The following AKR1B15 variants were observed in gnomAD, a reference collection of about 807,000 sequenced individuals.
AKR1B15 encodes estradiol 17-beta-dehydrogenase AKR1B15.
A neutral mutation model predicts 38.5 loss-of-function variants in AKR1B15; 49 were observed. The ratio of observed to expected loss-of-function variants is 1.27; its 90% CI spans 1.01 to 1.62. AKR1B15 has a LOEUF of 1.62. Ranked by LOEUF, AKR1B15 falls within the 40% of genes most tolerant of loss-of-function variation. The pLI, the probability that AKR1B15 is intolerant of heterozygous loss-of-function variation, is 0.00. For missense variants in AKR1B15, 411 were observed against 381.6 expected (o/e 1.08, Z -0.64); for synonymous variants, 137 against 135.5 (o/e 1.01, Z -0.08).
chr7:134,568,728 G>A (rs928185651), intron 4 of AKR1B15, among the ~76,000 whole-genome samples: 1 of 152,124 alleles, frequency 6.6e-6, no homozygotes, highest in Non-Finnish European at 1.5e-5. Flanking sequence ...AACAGTAGGA[G>A]CACTTTTCTA....
chr7:134,567,889 T>C (rs915587406), intron 3 of AKR1B15, among the ~76,000 whole-genome samples: 13 of 152,204 alleles, frequency 8.5e-5, no homozygotes, highest in African/African-American at 3.1e-4. Flanking sequence ...TTTGAAAACT[T>C]TTCTAAACTG....
chr7:134,568,234 T>C lies in AKR1B15; in HGVS notation c.227T>C (p.Phe76Ser). Reference protein sequence around the residue: ...AEYRHIDCAYFYENQHEVGEA... With the variant: ...AEYRHIDCAYSYENQHEVGEA... Reference sequence around the variant, plus strand: ...TATCGCCACATTGACTGTGCCTATTTCTATGAGAATCAACATGAGGTGGGA... The same window carrying C: ...TATCGCCACATTGACTGTGCCTATTCCTATGAGAATCAACATGAGGTGGGA... The change falls in exon 4 of 12, where the codon TTC becomes TCC. Residue 76 changes from phenylalanine to serine, a missense_variant. Around this residue, in one of 3 missense-constraint regions of AKR1B15, gnomAD observed 254 missense variants for 212.4 expected, o/e 1.20. Transcript: ENST00000457545. The C allele has an allele frequency of 6.2e-7, 1 of 1,614,120 alleles. No homozygotes were observed. The highest frequency in any genetic ancestry group is 8.5e-7 in the Non-Finnish European group (1 of 1,179,998).
At chr7:134,565,144 GA>G in intron 3 of AKR1B15, 1 of 339,070 alleles carries the variant, frequency 2.9e-6, no homozygotes, top group Non-Finnish European at 5.5e-6. Context: ...CCACACCGTG[GA>G]AACTTTGTTC....
chr7:134,577,639 C>G (rs1196998992), intron 10 of AKR1B15, 65 bp from the exon 11 acceptor site: 2 of 1,551,884 alleles, frequency 1.3e-6, no homozygotes, highest in Admixed American at 3.7e-5. Flanking sequence ...CTAGAATGGC[C>G]GGCAGTCTCC....
intron 3 of AKR1B15, 35 bp from the exon 4 acceptor site, chr7:134,568,123 A>G (rs766358207): frequency 1.2e-6 from 2 of 1,612,306 alleles, no homozygotes; most frequent in South Asian, 2.2e-5. Flanking sequence ...TAAAAAAAAA[A>G]TACATGTGTG....
rs1794841407 is a variant in AKR1B15 at position 134,579,637 on chromosome 7, C to G, written c.*88C>G. 4 of 1,227,034 alleles carry G rather than the reference C, an allele frequency of 3.3e-6. No individual in the cohort carries two copies. The highest frequency in any genetic ancestry group is 4.5e-6 in the Non-Finnish European group (4 of 884,182). 76.0% of individuals were successfully genotyped at this position (1,227,034 alleles called of 1,614,324 possible). A position where few individuals can be genotyped will look rare whatever the true frequency, so the allele number is the denominator to read the frequency against. ...CCACTCAAGAACTATTTTAGCCAAG[C>G]TTATCTGAGATCACAGTGAACTTTG... On this transcript the variant is annotated 3_prime_UTR_variant, in exon 12 of 12. Transcript: ENST00000457545.
intron 2 of AKR1B15, among the ~76,000 whole-genome samples, chr7:134,557,080 G>A (rs1362613247): frequency 6.6e-6 from 1 of 152,154 alleles, no homozygotes; most frequent in Non-Finnish European, 1.5e-5. Context: ...AATCTAGATA[G>A]ATGCCAGAAG....
chr7:134,569,409 G>T lies in AKR1B15; in HGVS notation c.319-4G>T, dbSNP rs1248540131. On this transcript the variant is annotated splice_region_variant and splice_polypyrimidine_tract_variant and intron_variant, in intron 4 of 11. Coordinates refer to ENST00000457545, the MANE Select transcript of AKR1B15 (RefSeq NM_001080538.3). ...TTACTAGCTCATTGCTACACTCTTT[G>T]CAGGTGTGGCCCACTTTCTTTGAGA... 6.2e-7 allele frequency: 1 copy of T among 1,613,840 alleles called. No individual in the cohort carries two copies. The highest frequency in any genetic ancestry group is 1.3e-5 in the African/African-American group (1 of 74,922).
At chr7:134,571,192 C>A (rs1794660213) in intron 5 of AKR1B15, among the ~76,000 whole-genome samples, 1 of 152,200 alleles carries the variant, frequency 6.6e-6, no homozygotes, top group Admixed American at 6.5e-5. Flanking sequence ...TCCCGAATTC[C>A]ACGCCTCTTC....
At chr7:134,551,939 G>T (rs2117592667) in intron 1 of AKR1B15, among the ~76,000 whole-genome samples, 1 of 152,252 alleles carries the variant, frequency 6.6e-6, no homozygotes. Context: ...CTTGGCCCCG[G>T]GAACCCATGG....
intron 9 of AKR1B15, 22 bp from the exon 10 acceptor site, chr7:134,576,941 A>C (rs543176695): frequency 4.2e-5 from 68 of 1,603,888 alleles, no homozygotes; most frequent in Middle Eastern, 1.7e-4. Context: ...GAGTGGAAAC[A>C]TGATGTCCCC....
chr7:134,577,622 C>G (rs1187000878), intron 10 of AKR1B15, 82 bp from the exon 11 acceptor site: 25 of 1,487,258 alleles, frequency 1.7e-5, no homozygotes, highest in Middle Eastern at 3.4e-4. Flanking sequence ...TGTGAGCTCC[C>G]TCCCTGCTAG....
At chr7:134,568,502 C>T (rs1227450510) in intron 4 of AKR1B15, among the ~76,000 whole-genome samples, 177 bp downstream of exon 4, 1 of 152,212 alleles carries the variant, frequency 6.6e-6, no homozygotes, top group Admixed American at 6.5e-5. Flanking sequence ...GATATTTGAA[C>T]ATGTCGTGGC....
At chr7:134,565,449 C>G in intron 3 of AKR1B15, 2 of 1,612,402 alleles carry the variant, frequency 1.2e-6, no homozygotes, top group Non-Finnish European at 1.7e-6. Flanking sequence ...GAGACTTCTA[C>G]CTGCTCACTC....
intron 2 of AKR1B15, among the ~76,000 whole-genome samples, chr7:134,564,242 C>G (rs900037879): frequency 4.7e-4 from 72 of 152,278 alleles, no homozygotes; most frequent in African/African-American, 1.7e-3. Context: ...AGACAGTTTG[C>G]AAGAAATAAC....
chr7:134,558,953 G>T (rs541244993), intron 2 of AKR1B15, among the ~76,000 whole-genome samples: 42 of 152,170 alleles, frequency 2.8e-4, no homozygotes, highest in African/African-American at 9.9e-4. Context: ...CCTACCTAGT[G>T]CTCCTATGTA....
intron 6 of AKR1B15, 114 bp from the exon 7 acceptor site, chr7:134,575,306 C>G (rs571084916): frequency 6.8e-7 from 1 of 1,469,656 alleles, no homozygotes; most frequent in African/African-American, 1.4e-5. Context: ...AATGCTTCAG[C>G]TAACTCTGTT....
chr7:134,569,553 C>T (rs1448381961), intron 5 of AKR1B15, 24 bp downstream of exon 5: 2 of 1,612,226 alleles, frequency 1.2e-6, no homozygotes. Context: ...CCTTTCTCAG[C>T]CTCTAGTTTC....
intron 11 of AKR1B15, 115 bp from the exon 12 acceptor site, chr7:134,579,392 G>C: frequency 1.2e-6 from 1 of 820,130 alleles, no homozygotes. Context: ...TTCTTGCAGG[G>C]AGGAGGCTGA....
Sources: gnomAD v4.1 joint callset for allele counts (sites outside exome capture counted in the v4.1 genomes callset) on GRCh38, gnomAD v4.1.1 for gene constraint, gnomAD v4.1.1 regional missense constraint, MANE v1.5 for transcripts, NCBI Gene and HGNC (gene_info 2026-07-23, HGNC 2026-07-21) for gene names.